The following MCOLN3 variants were observed in gnomAD, a reference collection of about 807,000 sequenced individuals.
The protein encoded by MCOLN3 is mucolipin TRP cation channel 3.
Under a neutral mutation model 69.4 loss-of-function variants are expected in MCOLN3, and 62 were observed. That is an observed-to-expected ratio of 0.89 (90% CI 0.73 to 1.10). The LOEUF (loss-of-function observed/expected upper bound fraction) is 1.10, where lower values mean the gene tolerates loss of function less well. MCOLN3 is among the 50% of genes least tolerant of loss of function. The pLI is 0.00. For synonymous variants in MCOLN3, 183 were observed against 217.0 expected, an observed-to-expected ratio of 0.84 and a Z score of 1.38; for missense variants, 564 against 656.4, an observed-to-expected ratio of 0.86 and a Z score of 1.54.
chr1:85,045,677 A>T (rs1221931778), intron 1 of MCOLN3, among the ~76,000 whole-genome samples: 1 of 152,196 alleles, frequency 6.6e-6, no homozygotes, highest in Non-Finnish European at 1.5e-5. Context: ...CACTCAGTAT[A>T]GTTAGAGGAT....
At chr1:85,025,832 C>G in intron 9 of MCOLN3, 107 bp downstream of exon 9, 2 of 1,144,730 alleles carry the variant, frequency 1.7e-6, no homozygotes, top group African/African-American at 1.6e-5. Context: ...ACTTGATATA[C>G]AGTTTGGAAG....
chr1:85,045,417 G>A (rs766280814), intron 1 of MCOLN3, 55 bp from the exon 2 acceptor site: 64 of 1,388,974 alleles, frequency 4.6e-5, no homozygotes, highest in Non-Finnish European at 6.1e-5. Context: ...AGTGAGTAAA[G>A]ACACAAGTCC....
chr1:85,023,492 T>A (rs1174682807), intron 9 of MCOLN3: 1 of 152,176 alleles, frequency 6.6e-6, no homozygotes, highest in African/African-American at 2.4e-5. Flanking sequence ...CTGATGAGAG[T>A]TACCATTAAC....
chr1:85,028,374 G>C (rs1301166577), intron 7 of MCOLN3, among the ~76,000 whole-genome samples: 1 of 152,232 alleles, frequency 6.6e-6, no homozygotes, highest in Admixed American at 6.5e-5. Context: ...GGCTTGCATA[G>C]AGCTGGGGAA....
At chr1:85,043,067 T>C (rs568914316) in intron 2 of MCOLN3, among the ~76,000 whole-genome samples, 35 of 152,192 alleles carry the variant, frequency 2.3e-4, no homozygotes, top group Non-Finnish European at 4.7e-4. Flanking sequence ...TCCCTAAAAA[T>C]TAAGAAGTAA....
intron 1 of MCOLN3, 81 bp downstream of exon 1, chr1:85,048,315 G>C (rs1653495135): frequency 6.6e-6 from 1 of 151,994 alleles, no homozygotes; most frequent in Non-Finnish European, 1.5e-5. Context: ...GCTGCCTCCC[G>C]GCCTCCCCGG....
Position 85,019,274 on chromosome 1 carries a change from T to C in MCOLN3, c.1528-17A>G, listed in dbSNP as rs780734496. ...TTGGTATTGCTAAACAGAAGAATGT[T>C]AAAAAGCTTTTATTAATAAGCTCCT... On this transcript the variant is annotated splice_polypyrimidine_tract_variant and intron_variant, in intron 12 of 12. Transcript: ENST00000370589. 29 of 1,603,788 alleles carry C rather than the reference T, an allele frequency of 1.8e-5. No individual in the cohort carries two copies. Among genetic ancestry groups the C allele is most frequent in the Non-Finnish European group, 2.5e-5 (29 of 1,176,888 alleles).
At chr1:85,020,109 T>C (rs1177267754) in intron 12 of MCOLN3, among the ~76,000 whole-genome samples, 2 of 152,210 alleles carry the variant, frequency 1.3e-5, no homozygotes, top group East Asian at 3.8e-4. Context: ...CAGTGAACTT[T>C]TAGAGCACCA....
intron 9 of MCOLN3, among the ~76,000 whole-genome samples, chr1:85,023,936 G>C (rs766660582): frequency 6.6e-6 from 1 of 152,186 alleles, no homozygotes; most frequent in Non-Finnish European, 1.5e-5. Context: ...AGGTCAGCAT[G>C]AGGGTACATA....
chr1:85,019,045 T>G lies in MCOLN3; in HGVS notation c.*78A>C, dbSNP rs545243053. 2 of 1,405,046 alleles carry G rather than the reference T, an allele frequency of 1.4e-6. No individual in the cohort carries two copies. The highest frequency in any genetic ancestry group is 2.9e-5 in the African/African-American group (2 of 69,972). The allele number at this position is 1,405,046 out of a possible 1,614,324, so 87.0% of individuals were successfully genotyped here. ...AATAACAGTCTTCAAACATACTACA[T>G]CTGATCTCAGAATATCCACAGTGTT... is the stretch of plus-strand genomic sequence containing the variant. On this transcript the variant is annotated 3_prime_UTR_variant, in exon 13 of 13. Transcript: ENST00000370589.
In MCOLN3 at chr1:85,019,148, G is replaced by A; in HGVS notation, c.1637C>T (p.Ser546Phe). ...CTACTTTTTACAACAGCAGAATAAA[G>A]ATACTGGAGGGTCATCTTCTAATCT... ...KYRLEDDPPV[S>F]LFCCCKK The change falls in exon 13 of 13, where the codon TCT (serine) becomes TTT (phenylalanine). Residue 546 changes from serine (S) to phenylalanine (F), a missense_variant. Coordinates refer to ENST00000370589, the MANE Select transcript of MCOLN3 (RefSeq NM_018298.11). The A allele has an allele frequency of 1.2e-6, 2 of 1,613,542 alleles. No individual in the cohort carries two copies. Among genetic ancestry groups the A allele is most frequent in the Non-Finnish European group, 8.5e-7 (1 of 1,179,686 alleles).
chr1:85,022,337 C>T lies in MCOLN3; in HGVS notation c.1159G>A (p.Gly387Arg). 6.2e-7 allele frequency: 1 copy of T among 1,613,828 alleles called. No individual in the cohort carries two copies. Among genetic ancestry groups the T allele is most frequent in the African/African-American group, 1.3e-5 (1 of 75,020 alleles). The change falls in exon 10 of 13, where the codon GGA becomes AGA. Residue 387 changes from glycine (G) to arginine (R), a missense_variant. Gly to Arg is a moderately radical substitution (Grantham distance 125). Coordinates refer to ENST00000370589, the MANE Select transcript of MCOLN3 (RefSeq NM_018298.11). ...AAGAAACCGAGGTATCGGATGACTC[C>T]AAGCCACACGAGCATGGTAGAAGTC... ...LGTSTMLVWL[G>R]VIRYLGFFAK...
chr1:85,019,229 G>A lies in MCOLN3; in HGVS notation c.1556C>T (p.Thr519Ile). 6.2e-7 allele frequency: 1 copy of A among 1,613,768 alleles called. No homozygotes were observed. The highest frequency in any genetic ancestry group is 8.5e-7 in the Non-Finnish European group (1 of 1,179,770). ...TTCTGATATAAATGTACGAAGTTCA[G>A]TCTCTGGGAAGCCATCTTGTTGGTA... ...KQYQQDGFPE[T>I]ELRTFISECK... is the part of the protein sequence containing the mutation. Residue 519 changes from threonine (T) to isoleucine (I), a missense_variant, in exon 13 of 13, where the codon ACT becomes ATT. Transcript: ENST00000370589.
intron 7 of MCOLN3, among the ~76,000 whole-genome samples, chr1:85,028,326 A>C (rs1039253898): frequency 6.6e-6 from 1 of 152,312 alleles, no homozygotes; most frequent in African/African-American, 2.4e-5. Flanking sequence ...CTGAGTAAGG[A>C]CTATTTACAC....
At chr1:85,024,403 G>A (rs1161963066) in intron 9 of MCOLN3, 1 of 152,246 alleles carries the variant, frequency 6.6e-6, no homozygotes, top group Non-Finnish European at 1.5e-5. Flanking sequence ...TAAACAAGTG[G>A]TGATGGCCTC....
At chr1:85,019,903 A>T (rs1557679799) in intron 12 of MCOLN3, among the ~76,000 whole-genome samples, 2 of 152,170 alleles carry the variant, frequency 1.3e-5, no homozygotes, top group African/African-American at 4.8e-5. Flanking sequence ...AATTTCTAGG[A>T]CATGCCATGA....
At chr1:85,023,074 CTTTTTTT>C (rs71582943) in intron 9 of MCOLN3, 1,132 of 97,154 alleles carry the variant, frequency 0.012, 17 homozygotes, top group African/African-American at 0.042. Flanking sequence ...GATTTTTATT[CTTTTTTT>C]TTTTTTTTTT....
At position 85,045,166 on chromosome 1, in the gene MCOLN3, T is replaced by C; in HGVS notation, c.195A>G (p.Ile65Met). 1.2e-6 allele frequency: 2 copies of C among 1,614,016 alleles called. No homozygotes were observed. The highest frequency in any genetic ancestry group is 1.7e-6 in the Non-Finnish European group (2 of 1,179,998). Residue 65 changes from isoleucine to methionine, a missense_variant, in exon 2 of 13, where the codon ATA becomes ATG. Coordinates refer to ENST00000370589, the MANE Select transcript of MCOLN3 (RefSeq NM_018298.11). The stretch of plus-strand genomic sequence containing the variant: ...TCACCATTGCAATTTTTAGAATTTG[T>C]ATGGCAAGTTTCCATGGTTTTCTAC... ...ARGRKPWKLA[I>M]QILKIAMVTI...
intron 7 of MCOLN3, among the ~76,000 whole-genome samples, chr1:85,028,557 G>T (rs1164736377): frequency 3.9e-5 from 6 of 152,166 alleles, no homozygotes; most frequent in Non-Finnish European, 8.8e-5. Context: ...CAAAATTCTT[G>T]ACAGTATTTG....
Sources: allele counts gnomAD v4.1 joint callset (sites outside exome capture counted in the v4.1 genomes callset), GRCh38; gene constraint gnomAD v4.1.1; transcripts MANE v1.5; gene names NCBI Gene and HGNC (gene_info 2026-07-23, HGNC 2026-07-21).